PLCXD3: variants seen among roughly 807,000 people sequenced by gnomAD.
PLCXD3 encodes phosphatidylinositol specific phospholipase C X domain containing 3, also known as PI-PLC X domain-containing protein 3.
PLCXD3 carries 19 observed loss-of-function variants against 25.5 expected under a neutral mutation model. The ratio of observed to expected loss-of-function variants is 0.75; its 90% confidence interval spans 0.52 to 1.09. The LOEUF (loss-of-function observed/expected upper bound fraction) is 1.09, where lower values mean the gene tolerates loss of function less well. Ranked by LOEUF, PLCXD3 falls within the 50% of genes least tolerant of loss-of-function variation. The pLI, the probability that PLCXD3 is intolerant of heterozygous loss-of-function variation, is 0.00. For missense variants in PLCXD3, 411 were observed against 388.1 expected (o/e 1.06, Z -0.50); for synonymous variants, 174 against 137.6 (o/e 1.26, Z -1.85).
At chr5:41,456,415 T>C (rs1055767379) in intron 1 of PLCXD3, 9 of 283,206 alleles carry the variant, frequency 3.2e-5, no homozygotes, top group Non-Finnish European at 3.7e-5. Flanking sequence ...AAAATATGTA[T>C]GTACAATGGC....
chr5:41,392,902 C>G (rs1043567099), intron 1 of PLCXD3, among the ~76,000 whole-genome samples: 1 of 151,990 alleles, frequency 6.6e-6, no homozygotes, highest in African/African-American at 2.4e-5. Context: ...AATTCTGAAG[C>G]TGAAAAATGC....
chr5:41,333,780 C>A (rs958102269), intron 2 of PLCXD3, among the ~76,000 whole-genome samples: 6 of 152,078 alleles, frequency 3.9e-5, no homozygotes, highest in African/African-American at 1.4e-4. Flanking sequence ...TTACTATGTC[C>A]TTCATTATGT....
At chr5:41,390,881 A>G (rs1482839905) in intron 1 of PLCXD3, among the ~76,000 whole-genome samples, 1 of 152,206 alleles carries the variant, frequency 6.6e-6, no homozygotes, top group East Asian at 1.9e-4. Context: ...GTGGCCTGGT[A>G]CAGAGAATAA....
At chr5:41,384,686 A>T (rs1372874921) in intron 1 of PLCXD3, among the ~76,000 whole-genome samples, 2 of 152,116 alleles carry the variant, frequency 1.3e-5, no homozygotes, top group Non-Finnish European at 2.9e-5. Context: ...CAAGTAAAAA[A>T]ATTGTAAAAA....
At chr5:41,502,607 T>C (rs1748976351) in intron 1 of PLCXD3, among the ~76,000 whole-genome samples, 1 of 152,084 alleles carries the variant, frequency 6.6e-6, no homozygotes, top group Admixed American at 6.6e-5. Context: ...ACTAAGGAAG[T>C]GTAGTAAGTC....
At chr5:41,492,447 C>T (rs549502932) in intron 1 of PLCXD3, among the ~76,000 whole-genome samples, 1,683 of 149,960 alleles carry the variant, frequency 0.011, 27 homozygotes, top group African/African-American at 0.039. Context: ...ATCTTTGTGG[C>T]GTTCTCTGTA....
intron 1 of PLCXD3, among the ~76,000 whole-genome samples, chr5:41,489,109 A>C (rs1329776256): frequency 6.6e-6 from 1 of 152,078 alleles, no homozygotes; most frequent in Non-Finnish European, 1.5e-5. Context: ...TTTTTGTATA[A>C]GGTGTAAGGA....
At chr5:41,491,460 C>A (rs576563983) in intron 1 of PLCXD3, among the ~76,000 whole-genome samples, 9 of 152,272 alleles carry the variant, frequency 5.9e-5, no homozygotes, top group Non-Finnish European at 1.2e-4. Context: ...CCACTTGGTG[C>A]AGAGCTGAGT....
chr5:41,313,582 C>G lies in PLCXD3; in HGVS notation c.*35G>C. ...AGTATGCCCTAATACAATGAGCTTT[C>G]TCCATCTTATTCATGGAAACTCCAA... On this transcript the variant is annotated 3_prime_UTR_variant, in exon 3 of 3. Coordinates refer to ENST00000377801, the MANE Select transcript of PLCXD3 (RefSeq NM_001005473.3). The G allele has an allele frequency of 6.2e-7, 1 of 1,611,722 alleles. No homozygotes were observed. Among genetic ancestry groups the G allele is most frequent in the African/African-American group, 1.3e-5 (1 of 74,972 alleles).
intron 1 of PLCXD3, among the ~76,000 whole-genome samples, chr5:41,497,745 A>G (rs1249847385): frequency 6.6e-6 from 1 of 151,878 alleles, no homozygotes; most frequent in Non-Finnish European, 1.5e-5. Context: ...TCAAGCACAC[A>G]TGGAATGTTC....
chr5:41,342,626 T>C (rs1449392134), intron 2 of PLCXD3, among the ~76,000 whole-genome samples: 1 of 152,166 alleles, frequency 6.6e-6, no homozygotes, highest in African/African-American at 2.4e-5. Context: ...AATGTGGGTA[T>C]TTTATTACCA....
At chr5:41,497,868 A>C (rs542699503) in intron 1 of PLCXD3, among the ~76,000 whole-genome samples, 2 of 151,968 alleles carry the variant, frequency 1.3e-5, no homozygotes, top group South Asian at 4.1e-4. Flanking sequence ...TTCAACCACA[A>C]CTAGAAATCA....
chr5:41,308,949 C>T lies in PLCXD3; in HGVS notation c.*4668G>A, dbSNP rs112840796. On this transcript the variant is annotated 3_prime_UTR_variant, in exon 3 of 3. Coordinates refer to ENST00000377801, the MANE Select transcript of PLCXD3 (RefSeq NM_001005473.3). ...GGGAACTCAGATAGGTTCTAAAGCCCATTCCTCACAAAATTAAAAGACACC... is the reference window on the plus strand; with the variant it reads ...GGGAACTCAGATAGGTTCTAAAGCCTATTCCTCACAAAATTAAAAGACACC... 390 of 152,620 alleles carry T rather than the reference C, an allele frequency of 2.6e-3. 4 individuals carry two copies. The highest frequency in any genetic ancestry group is 9.0e-3 in the African/African-American group (373 of 41,534). The allele number at this position is 152,620 out of a possible 1,614,324, so 9.5% of individuals were successfully genotyped here.
chr5:41,373,337 A>C (rs1745184019), intron 2 of PLCXD3, among the ~76,000 whole-genome samples: 1 of 152,156 alleles, frequency 6.6e-6, no homozygotes, highest in Non-Finnish European at 1.5e-5. Context: ...ATAGGACCTA[A>C]TTTTAATGCA....
chr5:41,349,086 T>A (rs969891477), intron 2 of PLCXD3, among the ~76,000 whole-genome samples: 5 of 152,172 alleles, frequency 3.3e-5, no homozygotes, highest in Admixed American at 6.5e-5. Context: ...ATACTGACAG[T>A]GCAAAGGATT....
chr5:41,405,107 T>C (rs1464306580), intron 1 of PLCXD3, among the ~76,000 whole-genome samples: 3 of 152,250 alleles, frequency 2.0e-5, no homozygotes, highest in South Asian at 4.1e-4. Context: ...ATACCTTTTA[T>C]GATAATAGGA....
In PLCXD3 at chr5:41,382,003, A is replaced by G; in HGVS notation, c.635T>C (p.Met212Thr). The part of the protein sequence containing the change: ...EVPFLWPGQM[M>T]PAPWANTTDP... ...TGTGGTGTTGGCCCAGGGTGCTGGC[A>G]TCATCTGCCCAGGCCAGAGAAAGGG... is the stretch of plus-strand genomic sequence containing the variant. The change falls in exon 2 of 3, where the codon ATG becomes ACG. Residue 212 changes from methionine (M) to threonine (T), a missense_variant. Met to Thr is a moderately conservative substitution (Grantham distance 81). Coordinates refer to ENST00000377801, the MANE Select transcript of PLCXD3 (RefSeq NM_001005473.3). 6.2e-7 allele frequency: 1 copy of G among 1,613,578 alleles called. No homozygotes were observed. Among genetic ancestry groups the G allele is most frequent in the Non-Finnish European group, 8.5e-7 (1 of 1,179,756 alleles).
At chr5:41,415,981 G>A (rs966893285) in intron 1 of PLCXD3, among the ~76,000 whole-genome samples, 4 of 152,176 alleles carry the variant, frequency 2.6e-5, no homozygotes, top group Admixed American at 6.5e-5. Context: ...AGAATCAGGA[G>A]TGTTACCAGA....
At chr5:41,422,970 T>TTAAAGTATAAAGTATAAAGCTTAAAG (rs1746864163) in intron 1 of PLCXD3, among the ~76,000 whole-genome samples, 1 of 152,088 alleles carries the variant, frequency 6.6e-6, no homozygotes, top group Admixed American at 6.5e-5. Flanking sequence ...TTAAGGAATC[T>TTAAAGTATAAAGTATAAAGCTTAAAG]CTCTTCTATT....
Sources: allele counts gnomAD v4.1 joint callset (sites outside exome capture counted in the v4.1 genomes callset), GRCh38; gene constraint gnomAD v4.1.1; transcripts MANE v1.5; gene names NCBI Gene and HGNC (gene_info 2026-07-23, HGNC 2026-07-21).